Variants in DGKI observed in about 807,000 individuals in gnomAD.
The protein encoded by DGKI is DAG kinase iota.
Under a neutral mutation model 147.5 loss-of-function variants are expected in DGKI, and 55 were observed. The ratio of observed to expected loss-of-function variants is 0.37; its 90% CI spans 0.30 to 0.47. The LOEUF is 0.47. Among genes scored for constraint, DGKI ranks in the 20% least tolerant of loss-of-function variants. The pLI, the probability that DGKI is intolerant of heterozygous loss-of-function variation, is 1.00. For synonymous variants in DGKI, 469 were observed against 477.1 expected, an observed-to-expected ratio of 0.98 and a Z score of 0.22; for missense variants, 1,007 against 1,323.8, an observed-to-expected ratio of 0.76 and a Z score of 3.71.
At chr7:137,484,694 T>C (rs1459034488) in intron 23 of DGKI, among the ~76,000 whole-genome samples, 1 of 152,006 alleles carries the variant, frequency 6.6e-6, no homozygotes. Flanking sequence ...GGAAAGAAAC[T>C]GCACCCCCAA....
chr7:137,746,203 T>C (rs1490707491), intron 1 of DGKI, among the ~76,000 whole-genome samples: 2 of 152,158 alleles, frequency 1.3e-5, no homozygotes, highest in East Asian at 3.9e-4. Flanking sequence ...ATGCTTGACA[T>C]TCTGGATTGT....
chr7:137,762,748 T>C, intron 1 of DGKI, among the ~76,000 whole-genome samples: 1 of 152,262 alleles, frequency 6.6e-6, no homozygotes. Flanking sequence ...TGGTTCATTG[T>C]GTGCTCCTAT....
intron 20 of DGKI, among the ~76,000 whole-genome samples, chr7:137,539,569 A>C (rs2128960433): frequency 6.6e-6 from 1 of 152,272 alleles, no homozygotes; most frequent in East Asian, 1.9e-4. Flanking sequence ...ATAGCAATGC[A>C]AAGACTTTGG....
chr7:137,830,756 C>G (rs10256707), intron 1 of DGKI, among the ~76,000 whole-genome samples: 34,994 of 152,104 alleles, frequency 0.23, 9,500 homozygotes, highest in African/African-American at 0.66. Context: ...TGAATGTCCT[C>G]CAGAACTACA....
At chr7:137,711,928 G>A (rs747092328) in intron 1 of DGKI, among the ~76,000 whole-genome samples, 7 of 151,878 alleles carry the variant, frequency 4.6e-5, no homozygotes, top group South Asian at 2.1e-4. Flanking sequence ...TCTTGATCTC[G>A]TGATCCGCCC....
chr7:137,538,433 T>A (rs978168144), intron 20 of DGKI, among the ~76,000 whole-genome samples: 2 of 152,220 alleles, frequency 1.3e-5, no homozygotes, highest in African/African-American at 4.8e-5. Flanking sequence ...AATTCATACT[T>A]TCTTCATGGA....
At chr7:137,559,690 CA>C (rs1818352013) in intron 19 of DGKI, among the ~76,000 whole-genome samples, 3 of 150,538 alleles carry the variant, frequency 2.0e-5, no homozygotes, top group African/African-American at 7.3e-5. Context: ...TAGTCACTAC[CA>C]AAGTGAGTTT....
chr7:137,578,414 C>T (rs1819063137), intron 15 of DGKI, 89 bp from the exon 16 acceptor site: 4 of 901,012 alleles, frequency 4.4e-6, no homozygotes, highest in Admixed American at 3.6e-5. Context: ...CCAGCTCCCT[C>T]CTATCCTACA....
At chr7:137,628,022 T>C (rs1311130693) in intron 6 of DGKI, among the ~76,000 whole-genome samples, 1 of 152,260 alleles carries the variant, frequency 6.6e-6, no homozygotes, top group East Asian at 1.9e-4. Context: ...AATGTGTGTT[T>C]ATATAAAGCT....
intron 1 of DGKI, among the ~76,000 whole-genome samples, chr7:137,723,575 G>A (rs1370099908): frequency 1.3e-5 from 2 of 151,868 alleles, no homozygotes; most frequent in African/African-American, 2.4e-5. Context: ...TTACTGCCTG[G>A]GAGACGAGTC....
chr7:137,803,964 A>G (rs913034174), intron 1 of DGKI, among the ~76,000 whole-genome samples: 5 of 152,252 alleles, frequency 3.3e-5, no homozygotes, highest in South Asian at 2.1e-4. Flanking sequence ...GCTAACAAGC[A>G]TGCCCACTTT....
chr7:137,422,402 G>A (rs1812607658), intron 28 of DGKI, among the ~76,000 whole-genome samples: 1 of 151,820 alleles, frequency 6.6e-6, no homozygotes, highest in Non-Finnish European at 1.5e-5. Flanking sequence ...GGATGTAATG[G>A]GAAAACATAT....
intron 1 of DGKI, among the ~76,000 whole-genome samples, chr7:137,789,373 C>G (rs1174459749): frequency 6.6e-6 from 1 of 152,038 alleles, no homozygotes; most frequent in African/African-American, 2.4e-5. Context: ...ACTGAAATGA[C>G]TATAGTTTTA....
chr7:137,539,445 C>T (rs1383659937), intron 20 of DGKI, among the ~76,000 whole-genome samples: 2 of 152,086 alleles, frequency 1.3e-5, no homozygotes, highest in African/African-American at 4.8e-5. Flanking sequence ...GCTGTAAATA[C>T]ATGAATCTAG....
chr7:137,815,122 T>C (rs1255600956), intron 1 of DGKI, among the ~76,000 whole-genome samples: 1 of 152,228 alleles, frequency 6.6e-6, no homozygotes, highest in Non-Finnish European at 1.5e-5. Context: ...TTACTGGTTT[T>C]ATTATTACTT....
intron 1 of DGKI, among the ~76,000 whole-genome samples, chr7:137,751,837 C>A (rs552618410): frequency 6.6e-6 from 1 of 152,046 alleles, no homozygotes; most frequent in African/African-American, 2.4e-5. Context: ...TTGACCTGTA[C>A]GCTGTCATTT....
intron 23 of DGKI, among the ~76,000 whole-genome samples, chr7:137,482,089 T>G (rs1815391621): frequency 6.6e-6 from 1 of 152,056 alleles, no homozygotes; most frequent in South Asian, 2.1e-4. Context: ...TTAAATTTCC[T>G]GCCAGTCACT....
At chr7:137,637,207 T>C (rs939812946) in intron 6 of DGKI, among the ~76,000 whole-genome samples, 1 of 152,242 alleles carries the variant, frequency 6.6e-6, no homozygotes, top group Non-Finnish European at 1.5e-5. Flanking sequence ...CTGGTGCTTT[T>C]ACTTCCTTAC....
intron 20 of DGKI, among the ~76,000 whole-genome samples, chr7:137,540,013 G>A (rs111660377): frequency 3.3e-5 from 5 of 152,188 alleles, no homozygotes; most frequent in East Asian, 3.9e-4. Flanking sequence ...CAAATACTTC[G>A]AGCAACTATA....
Sources: gnomAD v4.1 joint callset for allele counts (sites outside exome capture counted in the v4.1 genomes callset) on GRCh38, gnomAD v4.1.1 for gene constraint, MANE v1.5 for transcripts, NCBI Gene and HGNC (gene_info 2026-07-23, HGNC 2026-07-21) for gene names.